The following C11orf54 variants were observed in gnomAD, a reference collection of about 807,000 sequenced individuals.
C11orf54 encodes the protein beta-keto-L-gulonate decarboxylase, also known as beta-keto L-gulonate decarboxylase.
Under a neutral mutation model 35.5 loss-of-function variants are expected in C11orf54, and 29 were observed. The ratio of observed to expected loss-of-function variants is 0.82; its 90% CI spans 0.61 to 1.11. The LOEUF is 1.11. Ranked by LOEUF, C11orf54 falls within the 50% of genes most tolerant of loss-of-function variation. The pLI, the probability that C11orf54 is intolerant of heterozygous loss-of-function variation, is 0.00. For synonymous variants in C11orf54, 108 were observed against 121.1 expected, an observed-to-expected ratio of 0.89 and a Z score of 0.71; for missense variants, 373 against 369.2, an observed-to-expected ratio of 1.01 and a Z score of -0.08.
intron 6 of C11orf54, among the ~76,000 whole-genome samples, chr11:93,755,737 A>C (rs1457347843): frequency 1.5e-5 from 2 of 137,014 alleles, no homozygotes; most frequent in Admixed American, 1.7e-4. Context: ...TGGGCCACTG[A>C]GTGAGACTCT....
intron 2 of C11orf54, among the ~76,000 whole-genome samples, chr11:93,750,030 T>G (rs894276791): frequency 3.3e-5 from 5 of 152,246 alleles, no homozygotes; most frequent in Admixed American, 2.6e-4. Context: ...TTAAAAAGTT[T>G]AAATGTTTGC....
chr11:93,741,732 A>G lies in C11orf54; in HGVS notation c.-98+4A>G. On this transcript the variant is annotated splice_donor_region_variant and intron_variant, in intron 1 of 8. Transcript: ENST00000354421. Reference sequence around the variant, plus strand: ...TTTTGCTACCGTGACCGTTTAGGTGAGTGGAATAGCCAAGAACATTTCGGC... The same window carrying G: ...TTTTGCTACCGTGACCGTTTAGGTGGGTGGAATAGCCAAGAACATTTCGGC... 2.9e-6 allele frequency: 1 copy of G among 345,696 alleles called. No individual in the cohort carries two copies. The highest frequency in any genetic ancestry group is 5.7e-6 in the Non-Finnish European group (1 of 175,382). The allele number at this position is 345,696 out of a possible 1,614,324, so 21.4% of individuals were successfully genotyped here. A position where few individuals can be genotyped will look rare whatever the true frequency, so the allele number is the denominator to read the frequency against.
chr11:93,749,309 C>T (rs1020226297), intron 2 of C11orf54, among the ~76,000 whole-genome samples: 2 of 151,820 alleles, frequency 1.3e-5, no homozygotes, highest in Non-Finnish European at 2.9e-5. Context: ...AGCCAAAACC[C>T]CATTTTTACA....
rs1404678612 is a variant in C11orf54 at position 93,754,340 on chromosome 11, TTA to T, written c.330+305_330+306del. 7.2e-5 allele frequency among the ~76,000 whole-genome samples: 11 copies of T among 152,338 alleles called. No homozygotes were observed. In the East Asian group the frequency reaches 2.1e-3, roughly 29 times the overall value. On this transcript the variant is annotated intron_variant, in intron 5 of 8. Coordinates refer to ENST00000354421, the MANE Select transcript of C11orf54 (RefSeq NM_001286069.2). ...TTTATATTCTTACAGGATTCCGAGCTTATCTATAAATCTTTGCTTTGGGTATG... is the reference window on the plus strand; with the variant it reads ...TTTATATTCTTACAGGATTCCGAGCTTCTATAAATCTTTGCTTTGGGTATG...
rs1257094674 is a variant in C11orf54, at chr11:93,761,704, T to C, written c.*16T>C. ...GCGAGATTAAATCAGCTGATACTTA[T>C]TTAGAAAAAGAAATAATTAAGGTTA... On this transcript the variant is annotated 3_prime_UTR_variant, in exon 9 of 9. Coordinates refer to ENST00000354421, the MANE Select transcript of C11orf54 (RefSeq NM_001286069.2). The C allele has an allele frequency of 9.9e-6, 15 of 1,520,086 alleles. No individual in the cohort carries two copies. In the South Asian group the frequency reaches 1.6e-4, roughly 16 times the overall value. 94.2% of individuals were successfully genotyped at this position (1,520,086 alleles called of 1,614,324 possible).
chr11:93,757,623 G>A (rs909283484), intron 7 of C11orf54, among the ~76,000 whole-genome samples, 158 bp downstream of exon 7: 1 of 151,876 alleles, frequency 6.6e-6, no homozygotes, highest in Non-Finnish European at 1.5e-5. Context: ...TCCATCTCCC[G>A]GATTCAAGGG....
At chr11:93,756,242 A>T (rs1053728068) in intron 6 of C11orf54, among the ~76,000 whole-genome samples, 25 of 146,880 alleles carry the variant, frequency 1.7e-4, no homozygotes, top group African/African-American at 5.8e-4. Flanking sequence ...GTCCTTTGAG[A>T]GGCCAAAGCT....
At chr11:93,755,665 A>G (rs1190840062) in intron 6 of C11orf54, among the ~76,000 whole-genome samples, 3 of 150,822 alleles carry the variant, frequency 2.0e-5, no homozygotes, top group Non-Finnish European at 4.4e-5. Flanking sequence ...AGGTGAGAGA[A>G]TCGCTCAGAC....
chr11:93,753,223 C>T (rs903521560), intron 3 of C11orf54, among the ~76,000 whole-genome samples: 1 of 152,068 alleles, frequency 6.6e-6, no homozygotes, highest in Non-Finnish European at 1.5e-5. Flanking sequence ...GTGATCCACC[C>T]GCCTCAGCCT....
At chr11:93,755,161 C>A in intron 5 of C11orf54, 49 bp from the exon 6 acceptor site, 1 of 1,538,994 alleles carries the variant, frequency 6.5e-7, no homozygotes, top group South Asian at 1.1e-5. Context: ...TCAAGATATT[C>A]TCTTTGCAGA....
At chr11:93,754,062 T>G (rs200916707) in intron 5 of C11orf54, 25 bp downstream of exon 5, 1 of 1,582,990 alleles carries the variant, frequency 6.3e-7, no homozygotes, top group African/African-American at 1.4e-5. Context: ...GAAAATTATT[T>G]TACTTTATTG....
At position 93,762,840 on chromosome 11, in the gene C11orf54, A is replaced by G. The variant is rs1428354588; in HGVS notation, c.*1152A>G. 1.3e-5 allele frequency: 2 copies of G among 152,250 alleles called. No individual in the cohort carries two copies. Among genetic ancestry groups the G allele is most frequent in the Admixed American group, 1.3e-4 (2 of 15,278 alleles). 9.4% of individuals were successfully genotyped at this position (152,250 alleles called of 1,614,324 possible). ...ACTATCGTTGCTGAAATATAAAATT[A>G]TACTCACTGATTGTAATGGTTGAAA... On this transcript the variant is annotated 3_prime_UTR_variant, in exon 9 of 9. Transcript: ENST00000354421.
In C11orf54 at chr11:93,758,572, G is replaced by A. The variant is rs146392314; in HGVS notation, c.657+1107G>A. ...TGCCTGGCTTCTCCCTGCTGTCGGC[G>A]CCTGCTCCGATCCAGGAGCAAAGTC... On this transcript the variant is annotated intron_variant, in intron 7 of 8. Transcript: ENST00000354421. Among the ~76,000 whole-genome samples, 1,247 of 152,314 alleles carry A rather than the reference G, an allele frequency of 8.2e-3. 14 individuals are homozygous for A. Among genetic ancestry groups the A allele is most frequent in the Non-Finnish European group, 0.012 (811 of 68,018 alleles).
chr11:93,759,384 C>CT (rs1943336328), intron 7 of C11orf54, among the ~76,000 whole-genome samples: 1 of 152,122 alleles, frequency 6.6e-6, no homozygotes, highest in Non-Finnish European at 1.5e-5. Context: ...TCTCAGCAAA[C>CT]TATCACAAGA....
At position 93,762,675 on chromosome 11, in the gene C11orf54, C is replaced by T. The variant is rs1943530001; in HGVS notation, c.*987C>T. 6.6e-6 allele frequency: 1 copy of T among 152,152 alleles called. No homozygotes were observed. The highest frequency in any genetic ancestry group is 2.1e-4 in the South Asian group (1 of 4,824). The allele number at this position is 152,152 out of a possible 1,614,324, so 9.4% of individuals were successfully genotyped here. ...AACTAGTTGGCTAGCCATAATTCCT[C>T]CCTTGTTTCGATTGCCAGTTAGAAG... On this transcript the variant is annotated 3_prime_UTR_variant, in exon 9 of 9. Transcript: ENST00000354421.
In C11orf54 at chr11:93,761,541, T is replaced by C. The variant is rs1378799961; in HGVS notation, c.801T>C (p.Thr267=). The C allele has an allele frequency of 1.2e-6, 2 of 1,610,754 alleles. No individual in the cohort carries two copies. The highest frequency in any genetic ancestry group is 2.7e-5 in the African/African-American group (2 of 74,720). Residue 267 remains threonine, a synonymous_variant, in exon 9 of 9, where the codon ACT becomes ACC. Coordinates refer to ENST00000354421, the MANE Select transcript of C11orf54 (RefSeq NM_001286069.2). The part of the protein sequence containing the change: ...DPGFDLRLEH[T]HFFSRHGEGG... ...GGTTTGATTTGCGACTGGAGCACAC[T>C]CATTTTTTTAGTCGTCATGGAGAAG...
chr11:93,753,142 C>G (rs1281254126), intron 3 of C11orf54, among the ~76,000 whole-genome samples: 2 of 151,982 alleles, frequency 1.3e-5, no homozygotes, highest in East Asian at 3.9e-4. Context: ...GCCACCATGC[C>G]CAGCTAATTT....
intron 8 of C11orf54, among the ~76,000 whole-genome samples, chr11:93,760,965 T>C (rs1444610698): frequency 1.3e-5 from 2 of 152,208 alleles, no homozygotes; most frequent in Non-Finnish European, 2.9e-5. Flanking sequence ...ACCCTGGTCA[T>C]ATCTTGATCC....
rs1565262264 is a variant in C11orf54 at position 93,750,408 on chromosome 11, G to A, written c.118G>A (p.Asp40Asn). The change falls in exon 3 of 9, where the codon GAT (aspartate) becomes AAT (asparagine). Residue 40 changes from aspartate (D) to asparagine (N), a missense_variant. Physicochemically the swap from Asp to Asn is conservative, Grantham distance 23. Coordinates refer to ENST00000354421, the MANE Select transcript of C11orf54 (RefSeq NM_001286069.2). ...CCAGGTCTCTGTAGTTGATTGCCCT[G>A]ATTTGACTAAGGAACCCTTTACCTT... Reference protein sequence around the residue: ...DVQVSVVDCPDLTKEPFTFPV... With the variant: ...DVQVSVVDCPNLTKEPFTFPV... 1.2e-6 allele frequency: 2 copies of A among 1,613,818 alleles called. No homozygotes were observed. The highest frequency in any genetic ancestry group is 1.7e-6 in the Non-Finnish European group (2 of 1,179,864).
Sources: allele counts gnomAD v4.1 joint callset (sites outside exome capture counted in the v4.1 genomes callset), GRCh38; gene constraint gnomAD v4.1.1; transcripts MANE v1.5; gene names NCBI Gene and HGNC (gene_info 2026-07-23, HGNC 2026-07-21).